EML2: variants seen among roughly 807,000 people sequenced by gnomAD.
EML2 encodes EMAP like 2, also known as echinoderm microtubule-associated protein-like 2.
Under a neutral mutation model 84.7 loss-of-function variants are expected in EML2, and 59 were observed. The ratio of observed to expected loss-of-function variants is 0.70; its 90% confidence interval spans 0.56 to 0.86. EML2 has a LOEUF of 0.86. Ranked by LOEUF, EML2 falls within the 40% of genes least tolerant of loss-of-function variation. The probability of loss-of-function intolerance (pLI) is 0.00; values close to 1 mark genes in which losing one functional copy is unlikely to be tolerated. For missense variants in EML2, 818 were observed against 855.6 expected (o/e 0.96, Z 0.55); for synonymous variants, 352 against 348.9 (o/e 1.01, Z -0.10).
intron 9 of EML2, among the ~76,000 whole-genome samples, chr19:45,622,587 C>T (rs113992540): frequency 0.028 from 4,203 of 152,182 alleles, 185 homozygotes; most frequent in African/African-American, 0.095. Context: ...TGTGCCACCA[C>T]ACCTGGCTAA....
In EML2 at chr19:45,629,940, A is replaced by G. The variant is rs774531972; in HGVS notation, c.606+11T>C. ...GCACCCAGCAGGAGGGGATGAGAAAAGTCACCTCACCTTGACATCCACCAC... is the reference window on the plus strand; with the variant it reads ...GCACCCAGCAGGAGGGGATGAGAAAGGTCACCTCACCTTGACATCCACCAC... On this transcript the variant is annotated intron_variant, in intron 7 of 18. Transcript: ENST00000245925. 5.0e-6 allele frequency: 8 copies of G among 1,609,478 alleles called. No individual in the cohort carries two copies. In the South Asian group the frequency reaches 8.8e-5, roughly 18 times the overall value.
upstream of EML2, chr19:45,645,378 C>A (rs1021727123): frequency 1.1e-5 from 16 of 1,518,008 alleles, no homozygotes; most frequent in Non-Finnish European, 1.4e-5. Flanking sequence ...CCGGTCCCAG[C>A]CCGGGCCCGG....
chr19:45,613,457 G>A, intron 18 of EML2, 84 bp downstream of exon 18: 1 of 1,516,008 alleles, frequency 6.6e-7, no homozygotes, highest in Non-Finnish European at 9.0e-7. Context: ...CAGAGAAGGG[G>A]TGGGGTTGGA....
rs368461835 is a variant in EML2 at position 45,634,445 on chromosome 19, C to T, written c.206G>A (p.Arg69Gln). The change falls in exon 4 of 19, where the codon CGG becomes CAG. Residue 69 changes from arginine (R) to glutamine (Q), a missense_variant. Coordinates refer to ENST00000245925, the MANE Select transcript of EML2 (RefSeq NM_012155.4). ...WVYGYRGRDC[R>Q]ANLYLLPTGE... ...GGTGGGCAGCAAATAAAGGTTGGCC[C>T]GGCAGTCTCGGCCACGGTAGCCATA... The T allele has an allele frequency of 4.0e-5, 65 of 1,612,792 alleles. No homozygotes were observed. The highest frequency in any genetic ancestry group is 4.8e-5 in the Non-Finnish European group (57 of 1,179,670).
intron 15 of EML2, 47 bp downstream of exon 15, chr19:45,616,414 C>G: frequency 3.4e-6 from 5 of 1,453,066 alleles, no homozygotes; most frequent in Non-Finnish European, 4.7e-6. Flanking sequence ...AATTTTGCAC[C>G]CCCTGGGCGG....
chr19:45,633,457 G>GT (rs34593917), intron 4 of EML2, among the ~76,000 whole-genome samples: 67,714 of 145,846 alleles, frequency 0.46, 15,689 homozygotes, highest in East Asian at 0.63. Context: ...TGCCTATTCA[G>GT]TTTTTTTTTT....
At chr19:45,625,829 T>G (rs777172625) in intron 8 of EML2, among the ~76,000 whole-genome samples, 18 of 152,194 alleles carry the variant, frequency 1.2e-4, no homozygotes, top group Non-Finnish European at 2.1e-4. Flanking sequence ...CTGAGTTCTC[T>G]GATTATCCAT....
chr19:45,614,984 T>G, intron 16 of EML2: 2 of 331,480 alleles, frequency 6.0e-6, no homozygotes, highest in Non-Finnish European at 5.8e-6. Flanking sequence ...CTGGATCACC[T>G]GAGGTCAGGA....
At chr19:45,644,621 A>T, upstream of EML2, 1 of 450,746 alleles carries the variant, frequency 2.2e-6, no homozygotes, top group Non-Finnish European at 4.5e-6. Flanking sequence ...CCTCCTGACC[A>T]TCCCCCCATC....
At chr19:45,624,928 T>A in intron 8 of EML2, 110 bp from the exon 9 acceptor site, 1 of 752,274 alleles carries the variant, frequency 1.3e-6, no homozygotes, top group Non-Finnish European at 2.3e-6. Context: ...TATCTATGCG[T>A]TTAGGGTAAG....
At chr19:45,636,945 A>G (rs890466357) in intron 3 of EML2, among the ~76,000 whole-genome samples, 3 of 152,256 alleles carry the variant, frequency 2.0e-5, no homozygotes, top group Non-Finnish European at 4.4e-5. Flanking sequence ...ACAAGAAAAT[A>G]TCTGAATGAT....
intron 18 of EML2, among the ~76,000 whole-genome samples, chr19:45,611,801 T>G (rs1346967146): frequency 6.6e-6 from 1 of 151,984 alleles, no homozygotes; most frequent in African/African-American, 2.4e-5. Context: ...ATTATCCTTA[T>G]TTTTTTAGGC....
chr19:45,618,896 G>T lies in EML2; in HGVS notation c.1254+164C>A. ...CGGGAGGCGGAGGTTGCAGTGAGCC[G>T]AGATCGTGCCATTGCCCTCCAGCCT... On this transcript the variant is annotated intron_variant, in intron 12 of 18. Transcript: ENST00000245925. 6 of 694,796 alleles carry T rather than the reference G, an allele frequency of 8.6e-6. 1 individual carries two copies. The highest frequency in any genetic ancestry group is 1.3e-5 in the Non-Finnish European group (6 of 470,584). The allele number at this position is 694,796 out of a possible 1,614,324, so 43.0% of individuals were successfully genotyped here.
At chr19:45,641,665 C>T (rs926779174), upstream of EML2, 3 of 1,536,044 alleles carry the variant, frequency 2.0e-6, no homozygotes, top group Non-Finnish European at 2.6e-6. Flanking sequence ...GCTACAGTTG[C>T]TGCTGGAGGA....
At chr19:45,641,957 G>T (rs979605863), upstream of EML2, 2 of 1,444,632 alleles carry the variant, frequency 1.4e-6, no homozygotes, top group African/African-American at 2.9e-5. Flanking sequence ...AGAGGATGGG[G>T]ACGTGGCATA....
intron 6 of EML2, among the ~76,000 whole-genome samples, chr19:45,632,251 G>A (rs1384346396): frequency 6.7e-6 from 1 of 149,074 alleles, no homozygotes; most frequent in Non-Finnish European, 1.5e-5. Flanking sequence ...GCTGTGGCGC[G>A]ATCTCGACTC....
intron 14 of EML2, 92 bp downstream of exon 14, chr19:45,616,673 T>C (rs1971115614): frequency 7.0e-7 from 1 of 1,418,934 alleles, no homozygotes; most frequent in Admixed American, 1.8e-5. Context: ...CTCCTAGGCC[T>C]CGCTTCGCAG....
chr19:45,615,991 G>A (rs2122620522), intron 15 of EML2, 102 bp from the exon 16 acceptor site: 1 of 846,244 alleles, frequency 1.2e-6, no homozygotes, highest in Non-Finnish European at 2.0e-6. Flanking sequence ...ACAGAGGTAG[G>A]GCGAGAACAC....
chr19:45,627,192 C>T (rs1161145749), intron 7 of EML2, among the ~76,000 whole-genome samples: 2 of 151,652 alleles, frequency 1.3e-5, no homozygotes, highest in Admixed American at 1.3e-4. Flanking sequence ...CTCTTTACCT[C>T]GTGATCCACC....
Sources: allele counts gnomAD v4.1 joint callset (sites outside exome capture counted in the v4.1 genomes callset), GRCh38; gene constraint gnomAD v4.1.1; transcripts MANE v1.5; gene names NCBI Gene and HGNC (gene_info 2026-07-23, HGNC 2026-07-21).